Variants in DYSF observed in about 807,000 individuals in gnomAD.
DYSF encodes the protein dystrophy-associated fer-1-like 1.
In DYSF, 212 loss-of-function variants were observed where a neutral mutation model predicts 274.9. The ratio of observed to expected loss-of-function variants is 0.77; its 90% confidence interval spans 0.69 to 0.86. The LOEUF (loss-of-function observed/expected upper bound fraction) is 0.86. Among genes scored for constraint, DYSF ranks in the 40% least tolerant of loss-of-function variants. The pLI, the probability that DYSF is intolerant of heterozygous loss-of-function variation, is 0.00. For synonymous variants in DYSF, 1,091 were observed against 1,078.7 expected (o/e 1.01, Z -0.22); for missense variants, 2,666 against 2,783.2 (o/e 0.96, Z 0.95).
At chr2:71,490,049 C>T (rs893840340) in intron 3 of DYSF, among the ~76,000 whole-genome samples, 26 of 152,286 alleles carry the variant, frequency 1.7e-4, no homozygotes, top group African/African-American at 6.0e-4. Flanking sequence ...TATAGATGCA[C>T]TTACGTAAAC....
chr2:71,494,221 G>A (rs1489995150), intron 3 of DYSF, among the ~76,000 whole-genome samples: 1 of 152,084 alleles, frequency 6.6e-6, no homozygotes, highest in Non-Finnish European at 1.5e-5. Context: ...GTGGCAGTTT[G>A]TTTGATGTTT....
chr2:71,589,815 G>A, intron 31 of DYSF, 129 bp downstream of exon 31: 1 of 925,312 alleles, frequency 1.1e-6, no homozygotes, highest in Non-Finnish European at 1.8e-6. Flanking sequence ...CTTTTTGGTG[G>A]GTCAGTGCTG....
In DYSF at chr2:71,471,687, G is replaced by A. The variant is rs568635544; in HGVS notation, c.91+4754G>A. Among the ~76,000 whole-genome samples, 88 of 152,154 alleles carry A rather than the reference G, an allele frequency of 5.8e-4. No homozygotes were observed. The South Asian group carries it at 0.017, about 30-fold the overall frequency. ...CACATTTGCTGAAAAATAAACCAGG[G>A]GGCCGGGTGTGGTGGCTCACGCCTG... On this transcript the variant is annotated intron_variant, in intron 1 of 55. Transcript: ENST00000410020.
chr2:71,680,914 G>A, intron 53 of DYSF, 87 bp from the exon 54 acceptor site: 1 of 1,011,104 alleles, frequency 9.9e-7, no homozygotes, highest in Admixed American at 1.9e-5. Flanking sequence ...TAATGAAGTG[G>A]CCCTTATGTT....
At chr2:71,561,229 G>GAT (rs960406804) in intron 22 of DYSF, among the ~76,000 whole-genome samples, 6 of 152,194 alleles carry the variant, frequency 3.9e-5, no homozygotes, top group African/African-American at 1.2e-4. Context: ...ACCTCAGGTG[G>GAT]ATACATCTGA....
intron 45 of DYSF, 101 bp from the exon 46 acceptor site, chr2:71,664,167 G>T: frequency 6.7e-7 from 1 of 1,497,432 alleles, no homozygotes. Flanking sequence ...GGGGGCCCAA[G>T]GAAAGAAGAC....
chr2:71,493,329 T>C (rs140603506), intron 3 of DYSF, among the ~76,000 whole-genome samples: 2 of 152,356 alleles, frequency 1.3e-5, no homozygotes, highest in East Asian at 3.9e-4. Context: ...AATTTAGTCA[T>C]GTTTCTATAG....
intron 36 of DYSF, chr2:71,610,984 G>C (rs1012847159): frequency 1.4e-4 from 71 of 523,316 alleles, no homozygotes; most frequent in African/African-American, 1.2e-3. Context: ...TATGGGAGGA[G>C]GGGTGACGGG....
intron 3 of DYSF, among the ~76,000 whole-genome samples, chr2:71,482,225 CACAG>C (rs1394564683): frequency 5.3e-5 from 8 of 152,280 alleles, no homozygotes; most frequent in Admixed American, 2.0e-4. Flanking sequence ...CACGCATTTG[CACAG>C]ACAGTGTGTG....
intron 20 of DYSF, 113 bp downstream of exon 20, chr2:71,553,301 C>A: frequency 6.8e-7 from 1 of 1,477,228 alleles, no homozygotes; most frequent in Non-Finnish European, 9.3e-7. Context: ...AGGCCCTGGT[C>A]CTGGCCCTGG....
chr2:71,509,717 C>T (rs1017818932), intron 4 of DYSF, among the ~76,000 whole-genome samples: 8 of 152,070 alleles, frequency 5.3e-5, no homozygotes, highest in Non-Finnish European at 4.4e-5. Context: ...CCTGTGGGAG[C>T]TCTTGAAAGT....
chr2:71,457,132 T>C (rs2081100655), intron 1 of DYSF, among the ~76,000 whole-genome samples: 1 of 152,194 alleles, frequency 6.6e-6, no homozygotes, highest in Non-Finnish European at 1.5e-5. Flanking sequence ...ATGAAAGAGA[T>C]CTATTTAACT....
rs777891838 is a variant in DYSF at position 71,509,307 on chromosome 2, C to T, written c.346-2500C>T. 7.2e-5 allele frequency among the ~76,000 whole-genome samples: 11 copies of T among 152,104 alleles called. 1 individual carries two copies. The highest frequency in any genetic ancestry group is 4.2e-4 in the South Asian group (2 of 4,818). Reference sequence around the variant, plus strand: ...CCTCCTGAGTAGCTGGAACTATAAGCGTGGGCCACCATGCCTGGCTAATTT... The same window carrying T: ...CCTCCTGAGTAGCTGGAACTATAAGTGTGGGCCACCATGCCTGGCTAATTT... On this transcript the variant is annotated intron_variant, in intron 4 of 55. Transcript: ENST00000410020.
intron 17 of DYSF, among the ~76,000 whole-genome samples, chr2:71,545,810 C>CT (rs1380375000): frequency 1.3e-5 from 2 of 152,224 alleles, no homozygotes; most frequent in South Asian, 2.1e-4. Flanking sequence ...GAGCCCTCAC[C>CT]TTTCTCTGTG....
At chr2:71,554,568 G>A (rs2091206741) in intron 21 of DYSF, among the ~76,000 whole-genome samples, 1 of 152,154 alleles carries the variant, frequency 6.6e-6, no homozygotes, top group Non-Finnish European at 1.5e-5. Flanking sequence ...ACCATTGCAG[G>A]GACCTGGGGG....
rs13410072 is a variant in DYSF, at chr2:71,577,672, A to C, written c.3402+3301A>C. On this transcript the variant is annotated intron_variant, in intron 30 of 55. Coordinates refer to ENST00000410020, the MANE Select transcript of DYSF (RefSeq NM_001130987.2). Reference sequence around the variant, plus strand: ...TACACAATCATATGCACACGCACCCACACACACTCTTTCACACTCACACTC... The same window carrying C: ...TACACAATCATATGCACACGCACCCCCACACACTCTTTCACACTCACACTC... 4.2e-3 allele frequency among the ~76,000 whole-genome samples: 419 copies of C among 100,524 alleles called. 1 individual carries two copies. The highest frequency in any genetic ancestry group is 0.012 in the African/African-American group (374 of 32,016). The allele number at this position is 100,524 out of a possible 152,430, so 65.9% of individuals were successfully genotyped here. A position where few individuals can be genotyped will look rare whatever the true frequency, so the allele number is the denominator to read the frequency against.
chr2:71,685,316 C>T (rs942784739), intron 55 of DYSF, among the ~76,000 whole-genome samples: 1 of 152,238 alleles, frequency 6.6e-6, no homozygotes, highest in Non-Finnish European at 1.5e-5. Context: ...CTTCCCCTCT[C>T]CCAGGGCTGG....
chr2:71,639,819 T>C (rs144198235), intron 41 of DYSF, among the ~76,000 whole-genome samples: 27 of 152,340 alleles, frequency 1.8e-4, no homozygotes, highest in African/African-American at 3.4e-4. Context: ...TCTGGAATGA[T>C]TGTGGCCATC....
At chr2:71,635,779 A>AAAAAAAAAAAAG (rs1558685569) in intron 41 of DYSF, among the ~76,000 whole-genome samples, 1 of 123,204 alleles carries the variant, frequency 8.1e-6, no homozygotes, top group Admixed American at 9.3e-5. Context: ...AGAAAAAAGA[A>AAAAAAAAAAAAG]AAAGAAAAAA....
Sources: gnomAD v4.1 joint callset for allele counts (sites outside exome capture counted in the v4.1 genomes callset) on GRCh38, gnomAD v4.1.1 for gene constraint, MANE v1.5 for transcripts, NCBI Gene and HGNC (gene_info 2026-07-23, HGNC 2026-07-21) for gene names.